CCDC146: variants seen among roughly 807,000 people sequenced by gnomAD.
CCDC146 encodes the protein coiled-coil domain-containing protein 146.
A neutral mutation model predicts 119.3 loss-of-function variants in CCDC146; 92 were observed. The observed-to-expected ratio is 0.77, with a 90% CI of 0.65 to 0.92. The LOEUF is 0.92. CCDC146 is among the 40% of genes least tolerant of loss of function. CCDC146 has a pLI of 0.00. For synonymous variants in CCDC146, 372 were observed against 371.8 expected, an observed-to-expected ratio of 1.00 and a Z score of -0.01; for missense variants, 1,000 against 1,103.0, an observed-to-expected ratio of 0.91 and a Z score of 1.32.
Position 77,196,888 on chromosome 7 carries a change from G to A in CCDC146, c.156+29064G>A. The A allele has an allele frequency of 2.5e-6, 4 of 1,613,850 alleles. No individual in the cohort carries two copies. Among genetic ancestry groups the A allele is most frequent in the Non-Finnish European group, 3.4e-6 (4 of 1,179,908 alleles). Reference sequence around the variant, plus strand: ...TCTCCATGTCACAGTAAACTTCAAAGCTACTATTTTTGGGATCAGGTGTAA... The same window carrying A: ...TCTCCATGTCACAGTAAACTTCAAAACTACTATTTTTGGGATCAGGTGTAA... On this transcript the variant is annotated intron_variant, in intron 2 of 18. Coordinates refer to ENST00000285871, the MANE Select transcript of CCDC146 (RefSeq NM_020879.3). The surrounding 1 kb of genome is among the most constrained non-coding windows in gnomAD (Gnocchi z 4.2).
At chr7:77,132,292 C>G (rs1192229829) in intron 1 of CCDC146, among the ~76,000 whole-genome samples, 1 of 151,930 alleles carries the variant, frequency 6.6e-6, no homozygotes, top group Non-Finnish European at 1.5e-5. Flanking sequence ...AGAAAACAAT[C>G]CCTCATGAAC....
chr7:77,292,963 T>C lies in CCDC146; in HGVS notation c.2427T>C (p.Tyr809=). 6.2e-7 allele frequency: 1 copy of C among 1,613,762 alleles called. No homozygotes were observed. Among genetic ancestry groups the C allele is most frequent in the Middle Eastern group, 1.7e-4 (1 of 6,060 alleles). ...TLLLAKKMNG[Y]QRRIKNATEK... is the part of the protein sequence containing the mutation. ...CTCTTTAATTCTAGATGAATGGCTA[T>C]CAAAGAAGGATCAAAAATGCAACTG... The change falls in exon 18 of 19, where the codon TAT becomes TAC. Residue 809 remains tyrosine (Y), a synonymous_variant. Coordinates refer to ENST00000285871, the MANE Select transcript of CCDC146 (RefSeq NM_020879.3).
At chr7:77,239,581 GTC>G (rs1276744926) in intron 3 of CCDC146, among the ~76,000 whole-genome samples, 2 of 152,224 alleles carry the variant, frequency 1.3e-5, no homozygotes, top group African/African-American at 2.4e-5. Context: ...GTCATTGGGC[GTC>G]TCTGCAAATG....
At chr7:77,256,612 C>T in intron 6 of CCDC146, 103 bp downstream of exon 6, 1 of 881,744 alleles carries the variant, frequency 1.1e-6, no homozygotes. Context: ...GGGGTATTGT[C>T]TCACAAACTG....
Position 77,175,857 on chromosome 7 carries a change from T to G in CCDC146, c.156+8033T>G, listed in dbSNP as rs907483775. On this transcript the variant is annotated intron_variant, in intron 2 of 18. Transcript: ENST00000285871. Reference sequence around the variant, plus strand: ...GGATTATGCTAGATACCATGAGAATTTATGGACATAAAGCATAAAAAGGTT... The same window carrying G: ...GGATTATGCTAGATACCATGAGAATGTATGGACATAAAGCATAAAAAGGTT... 2.1e-4 allele frequency among the ~76,000 whole-genome samples: 32 copies of G among 151,180 alleles called. 1 individual carries two copies. The highest frequency in any genetic ancestry group is 7.4e-4 in the African/African-American group (30 of 40,686).
chr7:77,244,059 G>C (rs1344803619), intron 4 of CCDC146, among the ~76,000 whole-genome samples: 3 of 152,092 alleles, frequency 2.0e-5, no homozygotes, highest in Non-Finnish European at 4.4e-5. Context: ...TGTATTTTTA[G>C]TAGAGACGGG....
At chr7:77,184,688 G>T (rs1230641903) in intron 2 of CCDC146, among the ~76,000 whole-genome samples, 1 of 152,156 alleles carries the variant, frequency 6.6e-6, no homozygotes, top group Non-Finnish European at 1.5e-5. Flanking sequence ...GTAAAATAGT[G>T]TTTGGAGAGC....
At chr7:77,217,527 T>G (rs1792322491) in intron 2 of CCDC146, among the ~76,000 whole-genome samples, 1 of 151,330 alleles carries the variant, frequency 6.6e-6, no homozygotes. Flanking sequence ...TTTCTACATA[T>G]ATATCCCTGT....
intron 9 of CCDC146, among the ~76,000 whole-genome samples, chr7:77,267,688 G>A (rs781537882): frequency 3.9e-5 from 6 of 151,938 alleles, no homozygotes; most frequent in East Asian, 1.9e-4. Context: ...AAGGCTATTC[G>A]TGCCTGAGCC....
chr7:77,279,543 T>C (rs1584142478), intron 13 of CCDC146, among the ~76,000 whole-genome samples: 1 of 152,228 alleles, frequency 6.6e-6, no homozygotes, highest in Non-Finnish European at 1.5e-5. Context: ...CAACATCCCC[T>C]GATTGTAGAT....
intron 9 of CCDC146, among the ~76,000 whole-genome samples, chr7:77,267,824 A>G (rs886748054): frequency 2.0e-5 from 3 of 152,184 alleles, no homozygotes; most frequent in African/African-American, 7.2e-5. Flanking sequence ...CTCCAATTAT[A>G]TAAATCTCCT....
At chr7:77,263,403 G>T (rs752073582) in intron 9 of CCDC146, among the ~76,000 whole-genome samples, 31 of 152,182 alleles carry the variant, frequency 2.0e-4, no homozygotes, top group Non-Finnish European at 4.0e-4. Context: ...AGCCAACAGT[G>T]GTCTCAGAGT....
intron 1 of CCDC146, among the ~76,000 whole-genome samples, chr7:77,133,937 TTTG>T (rs1790824430): frequency 1.3e-5 from 2 of 152,000 alleles, no homozygotes; most frequent in South Asian, 4.1e-4. Flanking sequence ...TTATGATTAT[TTTG>T]TTATTATAAG....
At chr7:77,177,769 C>T (rs114747053) in intron 2 of CCDC146, among the ~76,000 whole-genome samples, 2,271 of 152,248 alleles carry the variant, frequency 0.015, 60 homozygotes, top group African/African-American at 0.051. Flanking sequence ...TCCTGCAAAT[C>T]TTGCTATTAT....
intron 1 of CCDC146, among the ~76,000 whole-genome samples, chr7:77,138,080 G>A (rs754808033): frequency 7.9e-5 from 12 of 151,758 alleles, no homozygotes; most frequent in Non-Finnish European, 1.6e-4. Context: ...TCGTATGGTG[G>A]AGATAGAGAG....
intron 17 of CCDC146, among the ~76,000 whole-genome samples, chr7:77,290,692 G>T (rs1458126403): frequency 1.3e-5 from 2 of 150,534 alleles, no homozygotes; most frequent in Non-Finnish European, 2.9e-5. Context: ...TTTAGTGGTA[G>T]TCATTTTTAT....
chr7:77,235,410 A>AG (rs1181133468), intron 2 of CCDC146, among the ~76,000 whole-genome samples: 1 of 152,132 alleles, frequency 6.6e-6, no homozygotes, highest in East Asian at 1.9e-4. Context: ...GGAGTGAAGT[A>AG]GGGGGAGTAA....
chr7:77,197,714 C>CTA (rs1292481646), intron 2 of CCDC146, among the ~76,000 whole-genome samples: 1 of 152,150 alleles, frequency 6.6e-6, no homozygotes, highest in African/African-American at 2.4e-5. Context: ...CACTTGACAA[C>CTA]TATATAAAGA....
At chr7:77,191,373 C>G (rs2150424378) in intron 2 of CCDC146, among the ~76,000 whole-genome samples, 1 of 152,246 alleles carries the variant, frequency 6.6e-6, no homozygotes, top group South Asian at 2.1e-4. Context: ...CACTACTTTC[C>G]CAATCATAAC....
Sources: gnomAD v4.1 joint callset for allele counts (sites outside exome capture counted in the v4.1 genomes callset) on GRCh38, gnomAD v4.1.1 for gene constraint, Gnocchi (gnomAD v3.1) non-coding constraint, MANE v1.5 for transcripts, NCBI Gene and HGNC (gene_info 2026-07-23, HGNC 2026-07-21) for gene names.